THUMPD3: variants seen among roughly 807,000 people sequenced by gnomAD.
The protein encoded by THUMPD3 is tRNA (guanine(6)-N(2))-methyltransferase THUMP3.
A neutral mutation model predicts 54.5 loss-of-function variants in THUMPD3; 44 were observed. The observed-to-expected ratio is 0.81, with a 90% confidence interval of 0.63 to 1.04. The LOEUF (loss-of-function observed/expected upper bound fraction) is 1.04. THUMPD3 is among the 50% of genes least tolerant of loss of function. THUMPD3 has a pLI of 0.00. For missense variants in THUMPD3, 604 were observed against 601.3 expected (o/e 1.00, Z -0.05); for synonymous variants, 196 against 201.4 (o/e 0.97, Z 0.23).
At chr3:9,368,923 T>C (rs886578879) in intron 3 of THUMPD3, among the ~76,000 whole-genome samples, 1 of 152,232 alleles carries the variant, frequency 6.6e-6, no homozygotes, top group Non-Finnish European at 1.5e-5. Flanking sequence ...TACATACTTT[T>C]CTGCGCTATG....
In THUMPD3 at chr3:9,369,278, C is replaced by G. The variant is rs142999787; in HGVS notation, c.331-1782C>G. 8.6e-3 allele frequency among the ~76,000 whole-genome samples: 963 copies of G among 112,582 alleles called. 20 individuals carry two copies. The highest frequency in any genetic ancestry group is 0.031 in the African/African-American group (894 of 28,544). 73.9% of individuals were successfully genotyped at this position (112,582 alleles called of 152,430 possible). ...TGAGCCGAGATCACGCCACTGCACT[C>G]TAGTCTGGGCAACAGAGCAAGACTC... On this transcript the variant is annotated intron_variant, in intron 3 of 9. Transcript: ENST00000452837.
intron 3 of THUMPD3, 75 bp from the exon 4 acceptor site, chr3:9,370,985 A>G (rs1350074580): frequency 4.6e-6 from 6 of 1,291,838 alleles, no homozygotes; most frequent in Admixed American, 4.8e-5. Flanking sequence ...CCAACTGTCC[A>G]TAAGCAAAGT....
chr3:9,365,350 T>G, intron 2 of THUMPD3, 30 bp downstream of exon 2: 2 of 1,607,048 alleles, frequency 1.2e-6, no homozygotes, highest in Non-Finnish European at 1.7e-6. Context: ...TAAAATAGTT[T>G]TCTAAGTTGA....
rs1559315112 is a variant in THUMPD3, at chr3:9,384,676, A to G, written c.1512A>G (p.Gln504=). The change falls in exon 10 of 10, where the codon CAA becomes CAG. Residue 504 remains glutamine (Q), a synonymous_variant. Coordinates refer to ENST00000452837, the MANE Select transcript of THUMPD3 (RefSeq NM_001114092.2). Reference sequence around the variant, plus strand: ...ACGGAGAAAGAGGAACTCTTTGGCAATGCAAAGAATGAAGATGACTAATAG... The same window carrying G: ...ACGGAGAAAGAGGAACTCTTTGGCAGTGCAAAGAATGAAGATGACTAATAG... ...EQDGERGTLW[Q]CKE 3 of 1,614,134 alleles carry G rather than the reference A, an allele frequency of 1.9e-6. No homozygotes were observed. The highest frequency in any genetic ancestry group is 1.7e-6 in the Non-Finnish European group (2 of 1,180,020).
intron 3 of THUMPD3, among the ~76,000 whole-genome samples, chr3:9,367,323 T>C (rs1414015050): frequency 6.6e-6 from 1 of 152,264 alleles, no homozygotes; most frequent in African/African-American, 2.4e-5. Flanking sequence ...AGTGACAGTT[T>C]GTGTCTTCTA....
At chr3:9,373,120 T>A (rs2032190045) in intron 4 of THUMPD3, among the ~76,000 whole-genome samples, 1 of 151,840 alleles carries the variant, frequency 6.6e-6, no homozygotes, top group Non-Finnish European at 1.5e-5. Context: ...ATAAAATGAA[T>A]AGGTTAACCA....
At position 9,374,289 on chromosome 3, in the gene THUMPD3, ATATG is replaced by A. The variant is rs975716976; in HGVS notation, c.808-223_808-220del. Among the ~76,000 whole-genome samples, 24 of 152,222 alleles carry A rather than the reference ATATG, an allele frequency of 1.6e-4. No homozygotes were observed. In the East Asian group the frequency reaches 4.2e-3, roughly 27 times the overall value. ...ATTTTGAAGGCTTAGAGGTTTTTTA[ATATG>A]TATTTTTTAAATGTCTTAACTTTTT... On this transcript the variant is annotated intron_variant, in intron 4 of 9. Coordinates refer to ENST00000452837, the MANE Select transcript of THUMPD3 (RefSeq NM_001114092.2).
chr3:9,369,400 C>T (rs1472867104), intron 3 of THUMPD3, among the ~76,000 whole-genome samples: 1 of 149,538 alleles, frequency 6.7e-6, no homozygotes, highest in Non-Finnish European at 1.5e-5. Flanking sequence ...TTCATATATA[C>T]GTTATACGTA....
chr3:9,383,086 G>C, intron 7 of THUMPD3, 113 bp from the exon 8 acceptor site: 1 of 644,768 alleles, frequency 1.6e-6, no homozygotes, highest in Non-Finnish European at 2.8e-6. Flanking sequence ...TATTATCACT[G>C]ATATCCTTAG....
chr3:9,364,947 C>T, intron 1 of THUMPD3, 69 bp from the exon 2 acceptor site: 1 of 1,333,950 alleles, frequency 7.5e-7, no homozygotes, highest in Admixed American at 2.4e-5. Context: ...CCCTCCAGAG[C>T]CCATGTTTTT....
At chr3:9,372,004 T>C (rs1319365055) in intron 4 of THUMPD3, among the ~76,000 whole-genome samples, 1 of 152,130 alleles carries the variant, frequency 6.6e-6, no homozygotes, top group African/African-American at 2.4e-5. Flanking sequence ...GCCTCCCAAG[T>C]AGCTGGGGCT....
chr3:9,383,166 G>GT, intron 7 of THUMPD3, 33 bp from the exon 8 acceptor site: 1 of 1,439,920 alleles, frequency 6.9e-7, no homozygotes, highest in Non-Finnish European at 9.8e-7. Flanking sequence ...ATGCTTCACA[G>GT]TATGTTGAAG....
intron 1 of THUMPD3, chr3:9,363,806 C>CTTTTTTTTTTTTTTT (rs56359034): frequency 1.1e-5 from 1 of 88,924 alleles, no homozygotes; most frequent in African/African-American, 4.4e-5. Context: ...TTAATTTTTT[C>CTTTTTTTTTTTTTTT]TTTTTTTTTT....
At chr3:9,372,313 C>T (rs2032112740) in intron 4 of THUMPD3, among the ~76,000 whole-genome samples, 1 of 152,184 alleles carries the variant, frequency 6.6e-6, no homozygotes, top group South Asian at 2.1e-4. Flanking sequence ...CAGTGGCTCA[C>T]GCCTGTAATC....
rs370858535 is a variant in THUMPD3, at chr3:9,384,271, G to A, written c.1295G>A (p.Arg432His). 10 of 1,614,140 alleles carry A rather than the reference G, an allele frequency of 6.2e-6. No homozygotes were observed. The highest frequency in any genetic ancestry group is 8.5e-6 in the Non-Finnish European group (10 of 1,180,010). Residue 432 changes from arginine (R) to histidine (H), a missense_variant, in exon 9 of 10, where the codon CGT becomes CAT. Arg to His is a conservative substitution (Grantham distance 29). Transcript: ENST00000452837. Reference sequence around the variant, plus strand: ...CCAGCTTGCCTACGGGAGATGAGCCGTGTCTGCACACCTACCACAGGCCGA... The same window carrying A: ...CCAGCTTGCCTACGGGAGATGAGCCATGTCTGCACACCTACCACAGGCCGA... The part of the protein sequence containing the change: ...LYPACLREMS[R>H]VCTPTTGRAV...
At chr3:9,370,778 A>G (rs1341788745) in intron 3 of THUMPD3, among the ~76,000 whole-genome samples, 1 of 152,214 alleles carries the variant, frequency 6.6e-6, no homozygotes, top group Non-Finnish European at 1.5e-5. Context: ...TTTCCCAAAC[A>G]ATACAGTATA....
At chr3:9,374,976 A>G (rs1254102796) in intron 5 of THUMPD3, among the ~76,000 whole-genome samples, 1 of 152,108 alleles carries the variant, frequency 6.6e-6, no homozygotes, top group East Asian at 1.9e-4. Flanking sequence ...CTCCTGTCTC[A>G]GCCGAATAGC....
intron 8 of THUMPD3, 139 bp from the exon 9 acceptor site, chr3:9,384,073 C>T (rs115617631): frequency 9.6e-7 from 1 of 1,039,938 alleles, no homozygotes; most frequent in East Asian, 2.4e-5. Context: ...ATTTCATAGA[C>T]ATGTAATGGC....
chr3:9,374,020 A>G (rs1247774487), intron 4 of THUMPD3, among the ~76,000 whole-genome samples: 1 of 152,234 alleles, frequency 6.6e-6, no homozygotes, highest in African/African-American at 2.4e-5. Context: ...ATCCAGATAG[A>G]GATACAAACT....
Sources: allele counts gnomAD v4.1 joint callset (sites outside exome capture counted in the v4.1 genomes callset), GRCh38; gene constraint gnomAD v4.1.1; transcripts MANE v1.5; gene names NCBI Gene and HGNC (gene_info 2026-07-23, HGNC 2026-07-21).